The following NCBP1 variants were observed in gnomAD, a reference collection of about 807,000 sequenced individuals.
The protein encoded by NCBP1 is nuclear cap-binding protein subunit 1.
NCBP1 carries 16 observed loss-of-function variants against 111.7 expected under a neutral mutation model. That is an observed-to-expected ratio of 0.14 (90% CI 0.10 to 0.22). NCBP1 has a LOEUF of 0.22. NCBP1 is among the 10% of genes least tolerant of loss of function. The pLI is 1.00. For synonymous variants in NCBP1, 304 were observed against 314.3 expected, an observed-to-expected ratio of 0.97 and a Z score of 0.35; for missense variants, 607 against 957.5, an observed-to-expected ratio of 0.63 and a Z score of 4.83.
At position 97,668,661 on chromosome 9, in the gene NCBP1, C is replaced by CA. The variant is rs1828084130; in HGVS notation, c.2017-184dup. On this transcript the variant is annotated intron_variant, in intron 20 of 22. Coordinates refer to ENST00000375147, the MANE Select transcript of NCBP1 (RefSeq NM_002486.5). ...CCCATGGAATTTCTGAATGAGAAGA[C>CA]AGTGTCTCTGAACCACAACAGGACT... Among the ~76,000 whole-genome samples the CA allele has an allele frequency of 2.0e-5, 3 of 151,976 alleles. No individual in the cohort carries two copies. The South Asian group carries it at 6.2e-4, about 32-fold the overall frequency.
At chr9:97,658,149 A>C (rs1206914080) in intron 14 of NCBP1, among the ~76,000 whole-genome samples, 1 of 150,908 alleles carries the variant, frequency 6.6e-6, no homozygotes, top group African/African-American at 2.5e-5. Context: ...CATTGGTTCT[A>C]AGCCTCTTGG....
intron 10 of NCBP1, 35 bp from the exon 11 acceptor site, chr9:97,653,763 G>T: frequency 6.6e-7 from 1 of 1,524,832 alleles, no homozygotes; most frequent in Non-Finnish European, 9.1e-7. Context: ...AAAGATAGCA[G>T]TTGGATTGAA....
intron 3 of NCBP1, 44 bp downstream of exon 3, chr9:97,641,706 T>C: frequency 6.6e-7 from 1 of 1,508,602 alleles, no homozygotes; most frequent in Admixed American, 1.8e-5. Flanking sequence ...TAATGTATTA[T>C]CTACTCTTAA....
intron 15 of NCBP1, 91 bp downstream of exon 15, chr9:97,658,834 T>C: frequency 2.9e-6 from 3 of 1,018,278 alleles, no homozygotes; most frequent in Non-Finnish European, 4.6e-6. Flanking sequence ...ATTGAACTTT[T>C]TCTTTTCTTG....
intron 13 of NCBP1, 101 bp from the exon 14 acceptor site, chr9:97,655,910 C>A (rs1934133012): frequency 2.9e-6 from 4 of 1,358,824 alleles, no homozygotes; most frequent in South Asian, 1.3e-5. Context: ...TATAACTTAA[C>A]AAAACTTGTA....
chr9:97,661,681 G>A (rs1438396765), intron 16 of NCBP1, among the ~76,000 whole-genome samples: 1 of 149,462 alleles, frequency 6.7e-6, no homozygotes, highest in Admixed American at 6.7e-5. Flanking sequence ...AAGCCAAAAT[G>A]ATGGCATTAA....
chr9:97,643,004 C>T (rs537107825), intron 3 of NCBP1, among the ~76,000 whole-genome samples, 200 bp from the exon 4 acceptor site: 1 of 152,212 alleles, frequency 6.6e-6, no homozygotes, highest in African/African-American at 2.4e-5. Flanking sequence ...CTTAGATTAA[C>T]TGATGAATTA....
Position 97,671,349 on chromosome 9 carries a change from T to A in NCBP1, c.*150T>A. 1 of 579,678 alleles carries A rather than the reference T, an allele frequency of 1.7e-6. No homozygotes were observed. Among genetic ancestry groups the A allele is most frequent in the Non-Finnish European group, 3.0e-6 (1 of 333,396 alleles). 35.9% of individuals were successfully genotyped at this position (579,678 alleles called of 1,614,324 possible). A position where few individuals can be genotyped will look rare whatever the true frequency, so the allele number is the denominator to read the frequency against. On this transcript the variant is annotated 3_prime_UTR_variant, in exon 23 of 23. Transcript: ENST00000375147. The stretch of plus-strand genomic sequence containing the variant: ...AGAGGACAGTGAATGAACATGGCAT[T>A]ACTTTTAATTGCCCTGAAAAGCAAA...
intron 12 of NCBP1, among the ~76,000 whole-genome samples, chr9:97,655,212 A>G (rs73498359): frequency 0.094 from 14,271 of 152,084 alleles, 2,295 homozygotes; most frequent in African/African-American, 0.33. Flanking sequence ...TTTATCTGCA[A>G]TTTCTTTTTT....
At chr9:97,637,507 T>G (rs974022107) in intron 1 of NCBP1, among the ~76,000 whole-genome samples, 2 of 152,232 alleles carry the variant, frequency 1.3e-5, no homozygotes, top group African/African-American at 2.4e-5. Flanking sequence ...CATTTAAGCT[T>G]CTTAGAATTA....
intron 8 of NCBP1, among the ~76,000 whole-genome samples, chr9:97,649,803 A>G (rs1169358613): frequency 2.7e-5 from 4 of 147,246 alleles, no homozygotes; most frequent in African/African-American, 1.0e-4. Flanking sequence ...CTGAATTTGT[A>G]TTTAATTGGT....
At chr9:97,645,273 T>C in intron 5 of NCBP1, 49 bp downstream of exon 5, 1 of 1,384,412 alleles carries the variant, frequency 7.2e-7, no homozygotes, top group South Asian at 1.2e-5. Context: ...GAGGGGTTAC[T>C]GAATCCTGGT....
At chr9:97,663,363 CAAAG>C (rs896614343) in intron 18 of NCBP1, among the ~76,000 whole-genome samples, 2 of 152,024 alleles carry the variant, frequency 1.3e-5, no homozygotes, top group Non-Finnish European at 2.9e-5. Flanking sequence ...TTGTGTATGA[CAAAG>C]AAACATTTAA....
In NCBP1 at chr9:97,645,596, T is replaced by C; in HGVS notation, c.490-15T>C. On this transcript the variant is annotated splice_polypyrimidine_tract_variant and intron_variant, in intron 5 of 22. Coordinates refer to ENST00000375147, the MANE Select transcript of NCBP1 (RefSeq NM_002486.5). Reference sequence around the variant, plus strand: ...TAAAGCATATTTTAAACTTAACTTTTTAAAAATCCTTTAGGTGCGACGAGA... The same window carrying C: ...TAAAGCATATTTTAAACTTAACTTTCTAAAAATCCTTTAGGTGCGACGAGA... 1 of 1,608,680 alleles carries C rather than the reference T, an allele frequency of 6.2e-7. No homozygotes were observed. Among genetic ancestry groups the C allele is most frequent in the Non-Finnish European group, 8.5e-7 (1 of 1,176,798 alleles).
At position 97,672,278 on chromosome 9, in the gene NCBP1, G is replaced by C. The variant is rs1175386429; in HGVS notation, c.*1079G>C. On this transcript the variant is annotated 3_prime_UTR_variant, in exon 23 of 23. Transcript: ENST00000375147. Reference sequence around the variant, plus strand: ...CAGTAATCCTACAACTACTGGTAGTGTTGTTGTGCATTTGCACAAAATAGG... The same window carrying C: ...CAGTAATCCTACAACTACTGGTAGTCTTGTTGTGCATTTGCACAAAATAGG... 8.1e-6 allele frequency: 1 copy of C among 123,822 alleles called. No homozygotes were observed. Among genetic ancestry groups the C allele is most frequent in the African/African-American group, 2.5e-5 (1 of 39,504 alleles). The allele number at this position is 123,822 out of a possible 1,614,324, so 7.7% of individuals were successfully genotyped here. A position where few individuals can be genotyped will look rare whatever the true frequency, so the allele number is the denominator to read the frequency against.
At chr9:97,654,838 G>T in intron 11 of NCBP1, 42 bp from the exon 12 acceptor site, 1 of 1,542,320 alleles carries the variant, frequency 6.5e-7, no homozygotes, top group South Asian at 1.1e-5. Flanking sequence ...AACTTATTTG[G>T]GATAAAAGTG....
At position 97,661,215 on chromosome 9, in the gene NCBP1, T is replaced by A. The variant is rs563885053; in HGVS notation, c.1600+147T>A. 1.4e-5 allele frequency: 12 copies of A among 845,926 alleles called. No homozygotes were observed. The East Asian group carries it at 3.6e-4, about 26-fold the overall frequency. 52.4% of individuals were successfully genotyped at this position (845,926 alleles called of 1,614,324 possible). ...CTGTTGTTCTTAGCACCCCAGGTAT[T>A]TTCCCCTTATATAAAAAGAGATCCT... On this transcript the variant is annotated intron_variant, in intron 16 of 22. Transcript: ENST00000375147.
chr9:97,663,834 A>G (rs764258108), intron 18 of NCBP1, among the ~76,000 whole-genome samples: 1 of 151,734 alleles, frequency 6.6e-6, no homozygotes, highest in Non-Finnish European at 1.5e-5. Context: ...TGTTTAGTCA[A>G]CCTGTTTCTT....
chr9:97,660,525 G>A (rs906985222), intron 15 of NCBP1, among the ~76,000 whole-genome samples: 4 of 152,124 alleles, frequency 2.6e-5, no homozygotes, highest in Non-Finnish European at 5.9e-5. Context: ...TCATTTCCAC[G>A]GTCCCGAGGA....
Sources: allele counts gnomAD v4.1 joint callset (sites outside exome capture counted in the v4.1 genomes callset), GRCh38; gene constraint gnomAD v4.1.1; transcripts MANE v1.5; gene names NCBI Gene and HGNC (gene_info 2026-07-23, HGNC 2026-07-21).